Variants in PCDHGB7 observed in about 807,000 individuals in gnomAD.
The protein encoded by PCDHGB7 is protocadherin gamma-B7.
A neutral mutation model predicts 61.4 loss-of-function variants in PCDHGB7; 37 were observed. The ratio of observed to expected loss-of-function variants is 0.60; its 90% CI spans 0.46 to 0.79. The LOEUF (loss-of-function observed/expected upper bound fraction) is 0.79, where lower values mean the gene tolerates loss of function less well. Ranked by LOEUF, PCDHGB7 falls within the 30% of genes least tolerant of loss-of-function variation. The pLI, the probability that PCDHGB7 is intolerant of heterozygous loss-of-function variation, is 0.00. For synonymous variants in PCDHGB7, 464 were observed against 503.5 expected, an observed-to-expected ratio of 0.92 and a Z score of 1.05; for missense variants, 1,166 against 1,202.5, an observed-to-expected ratio of 0.97 and a Z score of 0.45.
At chr5:141,510,366 T>A (rs1452829030) in intron 3 of PCDHGB7, among the ~76,000 whole-genome samples, 1 of 140,062 alleles carries the variant, frequency 7.1e-6, no homozygotes, top group Non-Finnish European at 1.6e-5. Context: ...AACTACCGAA[T>A]CTCTACTCGT....
intron 1 of PCDHGB7, among the ~76,000 whole-genome samples, chr5:141,446,128 G>A (rs1242643475): frequency 3.3e-5 from 5 of 152,188 alleles, no homozygotes; most frequent in Non-Finnish European, 7.3e-5. Flanking sequence ...GGTTCAATAA[G>A]ACTTAATAAT....
At position 141,505,406 on chromosome 5, in the gene PCDHGB7, G is replaced by A. The variant is rs546453598; in HGVS notation, c.2488G>A (p.Asp830Asn). 61 of 1,614,174 alleles carry A rather than the reference G, an allele frequency of 3.8e-5. No individual in the cohort carries two copies. The highest frequency in any genetic ancestry group is 1.1e-4 in the East Asian group (5 of 44,866). ...RPGTSGSQNG[D>N]DTGTWPNNQF... Reference sequence around the variant, plus strand: ...CTCTCTCCCCAGCTCCCAAAATGGCGATGACACCGGCACCTGGCCCAACAA... The same window carrying A: ...CTCTCTCCCCAGCTCCCAAAATGGCAATGACACCGGCACCTGGCCCAACAA... Residue 830 changes from aspartate to asparagine, a missense_variant, in exon 3 of 4, where the codon GAT (aspartate) becomes AAT (asparagine). Transcript: ENST00000398594.
In PCDHGB7 at chr5:141,418,287, G is replaced by C; in HGVS notation, c.428G>C (p.Ser143Thr). Residue 143 changes from serine (S) to threonine (T), a missense_variant, in exon 1 of 4, where the codon AGT (serine) becomes ACT (threonine). By Grantham distance (58) the Ser-to-Thr change is moderately conservative. Transcript: ENST00000398594. Reference protein sequence around the residue: ...FRKDEINLEISESVSLGMGTI... With the variant: ...FRKDEINLEITESVSLGMGTI... ...AAAGATGAAATAAACTTAGAAATCA[G>C]TGAATCCGTCAGCCTGGGGATGGGA... is the stretch of plus-strand genomic sequence containing the variant. 6.2e-7 allele frequency: 1 copy of C among 1,614,020 alleles called. No individual in the cohort carries two copies. The highest frequency in any genetic ancestry group is 1.1e-5 in the South Asian group (1 of 91,082).
At position 141,493,904 on chromosome 5, in the gene PCDHGB7, G is replaced by A. The variant is rs1204744465; in HGVS notation, c.2416-903G>A. Among the ~76,000 whole-genome samples, 1 of 152,216 alleles carries A rather than the reference G, an allele frequency of 6.6e-6. No individual in the cohort carries two copies. Among genetic ancestry groups the A allele is most frequent in the Non-Finnish European group, 1.5e-5 (1 of 68,028 alleles). On this transcript the variant is annotated intron_variant, in intron 1 of 3. Transcript: ENST00000398594. The surrounding 1 kb of genome is among the most constrained non-coding windows in gnomAD (Gnocchi z 4.3). ...GGCTCTAGGAGTGCTCCATGAGAGT[G>A]TGTGATGGGATAACACACCCCCTGG...
In PCDHGB7 at chr5:141,432,613, G is replaced by A. The variant is rs1461837957; in HGVS notation, c.2415+12339G>A. 6.2e-7 allele frequency: 1 copy of A among 1,613,946 alleles called. No homozygotes were observed. The highest frequency in any genetic ancestry group is 1.3e-5 in the African/African-American group (1 of 75,056). On this transcript the variant is annotated intron_variant, in intron 1 of 3. Coordinates refer to ENST00000398594, the MANE Select transcript of PCDHGB7 (RefSeq NM_018927.4). The surrounding 1 kb of genome is among the most constrained non-coding windows in gnomAD (Gnocchi z 6.0). ...AGGCCAGCGAGCCGGGACTCTTCTC[G>A]GTGGGTCTGCACACGGGCGAGGTGC...
chr5:141,427,149 A>G (rs1303323489), intron 1 of PCDHGB7: 1 of 456,850 alleles, frequency 2.2e-6, no homozygotes, highest in Non-Finnish European at 4.4e-6. Context: ...TATTGGAAAT[A>G]TGTTTGTGCT....
intron 1 of PCDHGB7, chr5:141,428,087 G>A (rs2097108117): frequency 6.2e-7 from 1 of 1,609,106 alleles, no homozygotes; most frequent in Non-Finnish European, 8.5e-7. Context: ...ACAACGCTTG[G>A]CTGTCCTACC....
chr5:141,419,886 G>A lies in PCDHGB7; in HGVS notation c.2027G>A (p.Ser676Asn), dbSNP rs1195529127. ...DSLQEVLPDFSDHPTPSDSQA... is the reference protein window; with the variant it reads ...DSLQEVLPDFNDHPTPSDSQA... ...TTGCAAGAGGTACTGCCGGATTTCA[G>A]CGACCATCCCACACCCTCTGACTCC... The change falls in exon 1 of 4, where the codon AGC (serine) becomes AAC (asparagine). Residue 676 changes from serine to asparagine, a missense_variant. By Grantham distance (46) the Ser-to-Asn change is conservative. Transcript: ENST00000398594. 1.9e-6 allele frequency: 3 copies of A among 1,614,076 alleles called. No individual in the cohort carries two copies. In the East Asian group the frequency reaches 6.7e-5, roughly 36 times the overall value.
Position 141,486,697 on chromosome 5 carries a change from C to G in PCDHGB7, c.2416-8110C>G. 1 of 1,614,176 alleles carries G rather than the reference C, an allele frequency of 6.2e-7. No individual in the cohort carries two copies. The highest frequency in any genetic ancestry group is 8.5e-7 in the Non-Finnish European group (1 of 1,180,032). ...GAGATGTATCAGCTTCCTCTTTCATCTCTCTGAACCCCCAGACAGGAGCTG... is the reference window on the plus strand; with the variant it reads ...GAGATGTATCAGCTTCCTCTTTCATGTCTCTGAACCCCCAGACAGGAGCTG... On this transcript the variant is annotated intron_variant, in intron 1 of 3. Coordinates refer to ENST00000398594, the MANE Select transcript of PCDHGB7 (RefSeq NM_018927.4). The surrounding 1 kb of genome is among the most constrained non-coding windows in gnomAD (Gnocchi z 5.0).
intron 1 of PCDHGB7, chr5:141,427,456 G>C (rs1172525843): frequency 2.0e-6 from 1 of 492,524 alleles, no homozygotes; most frequent in African/African-American, 1.9e-5. Flanking sequence ...GTTCCTTTTA[G>C]AATCGAATCT....
chr5:141,488,095 A>G (rs78361634), intron 1 of PCDHGB7, among the ~76,000 whole-genome samples: 8,142 of 152,146 alleles, frequency 0.054, 446 homozygotes, highest in African/African-American at 0.15. Flanking sequence ...CTGTGAAGGG[A>G]CCTCTCTATT....
chr5:141,480,533 G>A (rs2099521308), intron 1 of PCDHGB7, among the ~76,000 whole-genome samples: 1 of 127,758 alleles, frequency 7.8e-6, no homozygotes, highest in African/African-American at 3.6e-5. Flanking sequence ...CAAAGTAGAA[G>A]CACATATGAA....
Position 141,420,076 on chromosome 5 carries a change from T to A in PCDHGB7, c.2217T>A (p.Gly739=). The A allele has an allele frequency of 1.2e-6, 2 of 1,613,956 alleles. No individual in the cohort carries two copies. Among genetic ancestry groups the A allele is most frequent in the Non-Finnish European group, 1.7e-6 (2 of 1,179,878 alleles). The change falls in exon 1 of 4, where the codon GGT becomes GGA. Residue 739 remains glycine, a synonymous_variant. Transcript: ENST00000398594. ...TCTGCTCCAAGTCCGGACCTGTGGG[T>A]CCCCCCAACTACAGTGAGGGAACGT... The part of the protein sequence containing the change: ...SVLCSKSGPV[G]PPNYSEGTLP...
chr5:141,465,781 T>G (rs2099109506), intron 1 of PCDHGB7, among the ~76,000 whole-genome samples: 1 of 150,278 alleles, frequency 6.7e-6, no homozygotes, highest in Non-Finnish European at 1.5e-5. Context: ...TTGTTACAGT[T>G]TTTTTTTTTT....
rs370237298 is a variant in PCDHGB7 at position 141,487,298 on chromosome 5, G to A, written c.2416-7509G>A. ...TTGCTTTGTCTCCTTTGGCTCATTCGTGGCACTACTCTCTAAGTGTCTTCG... is the reference window on the plus strand; with the variant it reads ...TTGCTTTGTCTCCTTTGGCTCATTCATGGCACTACTCTCTAAGTGTCTTCG... On this transcript the variant is annotated intron_variant, in intron 1 of 3. Coordinates refer to ENST00000398594, the MANE Select transcript of PCDHGB7 (RefSeq NM_018927.4). The surrounding 1 kb of genome is among the most constrained non-coding windows in gnomAD (Gnocchi z 5.0). The A allele has an allele frequency of 3.2e-5, 51 of 1,614,072 alleles. 1 individual carries two copies. Among genetic ancestry groups the A allele is most frequent in the South Asian group, 5.5e-5 (5 of 91,082 alleles).
At chr5:141,502,542 A>G (rs2099814957) in intron 2 of PCDHGB7, among the ~76,000 whole-genome samples, 1 of 152,216 alleles carries the variant, frequency 6.6e-6, no homozygotes, top group Admixed American at 6.5e-5. Context: ...TTCGTGTGGT[A>G]AAAACAGTGT....
rs1594666821 is a variant in PCDHGB7, at chr5:141,487,316, T to C, written c.2416-7491T>C. 6.2e-7 allele frequency: 1 copy of C among 1,614,164 alleles called. No individual in the cohort carries two copies. Among genetic ancestry groups the C allele is most frequent in the South Asian group, 1.1e-5 (1 of 91,080 alleles). On this transcript the variant is annotated intron_variant, in intron 1 of 3. Coordinates refer to ENST00000398594, the MANE Select transcript of PCDHGB7 (RefSeq NM_018927.4). This position sits in a 1 kb window ranked among gnomAD's most constrained non-coding sequence, Gnocchi z 5.0. ...CTCATTCGTGGCACTACTCTCTAAG[T>C]GTCTTCGTGGGGCAGCCTGTGGAGT... is the stretch of plus-strand genomic sequence containing the variant.
Position 141,476,267 on chromosome 5 carries a change from G to A in PCDHGB7, c.2416-18540G>A, listed in dbSNP as rs373758158. The A allele has an allele frequency of 6.8e-6, 11 of 1,613,938 alleles. No homozygotes were observed. Among genetic ancestry groups the A allele is most frequent in the African/African-American group, 1.3e-5 (1 of 74,884 alleles). On this transcript the variant is annotated intron_variant, in intron 1 of 3. Transcript: ENST00000398594. The surrounding 1 kb of genome is among the most constrained non-coding windows in gnomAD (Gnocchi z 7.6). ...GAAGGGTTTCGCTGTGGGCAACGTG[G>A]TCGCGAACCTTGGTTTGGATCTCGG...
intron 1 of PCDHGB7, among the ~76,000 whole-genome samples, chr5:141,488,133 G>T (rs1046071550): frequency 6.6e-6 from 1 of 152,198 alleles, no homozygotes; most frequent in Non-Finnish European, 1.5e-5. Context: ...AGAAAGAGGA[G>T]AGAACTAAAG....
Sources: allele counts gnomAD v4.1 joint callset (sites outside exome capture counted in the v4.1 genomes callset), GRCh38; gene constraint gnomAD v4.1.1; non-coding constraint Gnocchi (gnomAD v3.1); transcripts MANE v1.5; gene names NCBI Gene and HGNC (gene_info 2026-07-23, HGNC 2026-07-21).